CORO2A: variants seen among roughly 807,000 people sequenced by gnomAD.
CORO2A encodes coronin-2A.
Under a neutral mutation model 62.4 loss-of-function variants are expected in CORO2A, and 47 were observed. The observed-to-expected ratio is 0.75, with a 90% CI of 0.60 to 0.96. The LOEUF is 0.96. CORO2A is among the 40% of genes least tolerant of loss of function. The pLI is 0.00. For missense variants in CORO2A, 610 were observed against 684.1 expected, an observed-to-expected ratio of 0.89 and a Z score of 1.21; for synonymous variants, 273 against 268.9, an observed-to-expected ratio of 1.02 and a Z score of -0.15.
intron 1 of CORO2A, among the ~76,000 whole-genome samples, chr9:98,176,422 G>A (rs145886944): frequency 2.0e-5 from 3 of 152,308 alleles, no homozygotes; most frequent in Non-Finnish European, 2.9e-5. Flanking sequence ...CACCCCTGCT[G>A]GGGGAAGATG....
rs150682499 is a variant in CORO2A at position 98,157,583 on chromosome 9, G to A, written c.78C>T (p.Tyr26=). The change falls in exon 2 of 12, where the codon TAC becomes TAT. Residue 26 remains tyrosine, a synonymous_variant. Transcript: ENST00000375077. Reference sequence around the variant, plus strand: ...CGCTGCGGGTGATAGGCACGGAGTCGTAGCAGTTCTCCTTGCTGGCTGGTT... The same window carrying A: ...CGCTGCGGGTGATAGGCACGGAGTCATAGCAGTTCTCCTTGCTGGCTGGTT... ...FGKPASKENC[Y]DSVPITRSVH... is the part of the protein sequence containing the mutation. 6.9e-5 allele frequency: 111 copies of A among 1,614,138 alleles called. 1 individual carries two copies. In the South Asian group the frequency reaches 8.6e-4, roughly 12 times the overall value.
At chr9:98,161,941 G>A (rs1026206871) in intron 1 of CORO2A, among the ~76,000 whole-genome samples, 5 of 152,316 alleles carry the variant, frequency 3.3e-5, no homozygotes, top group East Asian at 1.9e-4. Context: ...CTCCATCCAG[G>A]AGGAGTGAGG....
intron 2 of CORO2A, among the ~76,000 whole-genome samples, chr9:98,154,007 G>C (rs530995135): frequency 2.1e-4 from 32 of 151,984 alleles, no homozygotes; most frequent in South Asian, 2.1e-4. Flanking sequence ...TATCTTTATA[G>C]ATTTACTAAT....
At chr9:98,129,039 C>T (rs1050143850) in intron 8 of CORO2A, among the ~76,000 whole-genome samples, 1 of 152,172 alleles carries the variant, frequency 6.6e-6, no homozygotes, top group South Asian at 2.1e-4. Context: ...CTCAAGCGAT[C>T]CTCCTGCCTT....
At chr9:98,181,454 G>T (rs775558884) in intron 1 of CORO2A, among the ~76,000 whole-genome samples, 18 of 151,572 alleles carry the variant, frequency 1.2e-4, no homozygotes, top group Non-Finnish European at 1.9e-4. Flanking sequence ...AGGATTATAG[G>T]CGTGAGCCTC....
chr9:98,182,782 C>T (rs2118935979), intron 1 of CORO2A, among the ~76,000 whole-genome samples: 1 of 152,328 alleles, frequency 6.6e-6, no homozygotes, highest in Middle Eastern at 3.4e-3. Context: ...CACTAAGAGT[C>T]TAATTGGGGA....
intron 1 of CORO2A, among the ~76,000 whole-genome samples, chr9:98,166,955 T>A (rs1050951269): frequency 7.0e-6 from 1 of 143,564 alleles, no homozygotes; most frequent in Non-Finnish European, 1.5e-5. Context: ...AAAAAAAAAA[T>A]TAGCTGGGCA....
chr9:98,161,098 G>C (rs190385606), intron 1 of CORO2A, among the ~76,000 whole-genome samples: 72 of 152,318 alleles, frequency 4.7e-4, no homozygotes, highest in African/African-American at 1.7e-3. Flanking sequence ...ATTTGTCATG[G>C]AGGACAGCGA....
intron 1 of CORO2A, among the ~76,000 whole-genome samples, chr9:98,175,149 TG>T (rs1171795944): frequency 6.6e-6 from 1 of 151,794 alleles, no homozygotes; most frequent in Non-Finnish European, 1.5e-5. Flanking sequence ...AAGCAGGGGG[TG>T]GGGTGCGGGA....
At chr9:98,141,349 CTTT>C (rs138734683) in intron 2 of CORO2A, among the ~76,000 whole-genome samples, 7 of 103,828 alleles carry the variant, frequency 6.7e-5, no homozygotes, top group Non-Finnish European at 8.4e-5. Flanking sequence ...ACCACTGACC[CTTT>C]TTTTTTTTTT....
intron 1 of CORO2A, among the ~76,000 whole-genome samples, chr9:98,169,205 C>A (rs989908438): frequency 6.6e-6 from 1 of 151,896 alleles, no homozygotes; most frequent in Non-Finnish European, 1.5e-5. Context: ...GCCTTCCCCG[C>A]CCCCGCGCCG....
intron 4 of CORO2A, among the ~76,000 whole-genome samples, chr9:98,134,085 C>T (rs939215686): frequency 2.0e-5 from 3 of 152,078 alleles, no homozygotes; most frequent in South Asian, 2.1e-4. Flanking sequence ...CAGAGGGTCC[C>T]GAGGTGTCTC....
At chr9:98,138,260 C>CA (rs1415566487) in intron 2 of CORO2A, among the ~76,000 whole-genome samples, 3 of 151,802 alleles carry the variant, frequency 2.0e-5, no homozygotes, top group Non-Finnish European at 4.4e-5. Flanking sequence ...ACTAAAAATA[C>CA]AAAAATTAGC....
intron 1 of CORO2A, among the ~76,000 whole-genome samples, chr9:98,181,162 G>A (rs1828171050): frequency 6.6e-6 from 1 of 151,174 alleles, no homozygotes; most frequent in Non-Finnish European, 1.5e-5. Context: ...CTGCTCCCAT[G>A]TTGCTTGTGT....
intron 1 of CORO2A, among the ~76,000 whole-genome samples, chr9:98,191,464 C>A (rs1828305102): frequency 6.6e-6 from 1 of 152,158 alleles, no homozygotes; most frequent in African/African-American, 2.4e-5. Context: ...ATTTAAGGGA[C>A]CTGACCACTG....
chr9:98,134,259 C>T (rs146939576), intron 4 of CORO2A, among the ~76,000 whole-genome samples: 1 of 152,306 alleles, frequency 6.6e-6, no homozygotes, highest in African/African-American at 2.4e-5. Flanking sequence ...ATTGAGGTCT[C>T]CTGTACTGTG....
intron 2 of CORO2A, among the ~76,000 whole-genome samples, chr9:98,147,720 G>C (rs1176767330): frequency 6.6e-6 from 1 of 152,214 alleles, no homozygotes; most frequent in Non-Finnish European, 1.5e-5. Flanking sequence ...TAAATTGACA[G>C]TTTCTTATAA....
chr9:98,160,458 T>C (rs1232736113), intron 1 of CORO2A, among the ~76,000 whole-genome samples: 1 of 152,114 alleles, frequency 6.6e-6, no homozygotes, highest in Non-Finnish European at 1.5e-5. Flanking sequence ...AGAAAGGGAT[T>C]TATTTGGTGT....
Position 98,128,670 on chromosome 9 carries a change from G to A in CORO2A, c.1017C>T (p.Arg339=), listed in dbSNP as rs776493594. 1.9e-6 allele frequency: 3 copies of A among 1,614,218 alleles called. No individual in the cohort carries two copies. Among genetic ancestry groups the A allele is most frequent in the South Asian group, 1.1e-5 (1 of 91,088 alleles). ...GLDVSSCEIF[R]FYKLITTKSL... is the part of the protein sequence containing the mutation. Reference sequence around the variant, plus strand: ...TTTTGGTTGTGATCAGCTTGTAGAAGCGGAAGATCTCGCAGGAGGACACGT... The same window carrying A: ...TTTTGGTTGTGATCAGCTTGTAGAAACGGAAGATCTCGCAGGAGGACACGT... Residue 339 remains arginine, a synonymous_variant, in exon 9 of 12, where the codon CGC becomes CGT. Transcript: ENST00000375077.
Sources: gnomAD v4.1 joint callset for allele counts (sites outside exome capture counted in the v4.1 genomes callset) on GRCh38, gnomAD v4.1.1 for gene constraint, MANE v1.5 for transcripts, NCBI Gene and HGNC (gene_info 2026-07-23, HGNC 2026-07-21) for gene names.